Variants in OR51B5 observed in about 807,000 individuals in gnomAD.
The protein encoded by OR51B5 is olfactory receptor 51B5.
For missense variants in OR51B5, 456 were observed against 374.6 expected (o/e 1.22, Z -1.79); for synonymous variants, 186 against 144.8 (o/e 1.28, Z -2.04).
At chr11:5,375,947 T>C (rs931439376) in intron 1 of OR51B5, among the ~76,000 whole-genome samples, 4 of 152,034 alleles carry the variant, frequency 2.6e-5, no homozygotes, top group Non-Finnish European at 1.5e-5. Context: ...AACACAGCTC[T>C]GCACCAAGCA....
At chr11:5,415,185 A>T (rs367850835) in intron 1 of OR51B5, among the ~76,000 whole-genome samples, 10 of 151,946 alleles carry the variant, frequency 6.6e-5, no homozygotes, top group Non-Finnish European at 1.2e-4. Context: ...ACTGGGTACA[A>T]AACGAAATGA....
At chr11:5,354,018 ATGGTAAATAT>A (rs1434040212) in intron 1 of OR51B5, among the ~76,000 whole-genome samples, 1 of 152,054 alleles carries the variant, frequency 6.6e-6, no homozygotes, top group Admixed American at 6.5e-5. Context: ...GTGCTCGAGG[ATGGTAAATAT>A]AACATAGTTC....
chr11:5,441,237 T>C, intron 1 of OR51B5: 1 of 1,613,808 alleles, frequency 6.2e-7, no homozygotes, highest in Non-Finnish European at 8.5e-7. Context: ...AAACGCAACA[T>C]GGTTGTAGTT....
chr11:5,484,365 C>A (rs1851470372), intron 1 of OR51B5, among the ~76,000 whole-genome samples: 1 of 152,134 alleles, frequency 6.6e-6, no homozygotes, highest in African/African-American at 2.4e-5. Flanking sequence ...GTCCACACAT[C>A]CTTAGATAAT....
chr11:5,349,725 C>T (rs4910752), intron 1 of OR51B5, among the ~76,000 whole-genome samples: 37,644 of 151,990 alleles, frequency 0.25, 4,927 homozygotes, highest in African/African-American at 0.3. Context: ...GTCTGAACCT[C>T]TCACTGGCAG....
rs1564911618 is a variant in OR51B5, at chr11:5,342,653, CTATATGT to C, written c.865_871del (p.Thr289ValfsTer?). 6.2e-7 allele frequency: 1 copy of C among 1,613,208 alleles called. No homozygotes were observed. Among genetic ancestry groups the C allele is most frequent in the East Asian group, 2.2e-5 (1 of 44,866 alleles). On this transcript the variant is annotated frameshift_variant, in exon 1 of 1. Transcript: ENST00000300773. LOFTEE classifies it low-confidence loss of function (END_TRUNC). The stretch of plus-strand genomic sequence containing the variant: ...ATTCTGAATCTGCTTGGTCTTGACA[CTATATGT>C]TATAGGATTCATTAGTGGAGGGAAC...
chr11:5,409,571 CAAGAA>C (rs1484545575), intron 1 of OR51B5, among the ~76,000 whole-genome samples: 4 of 151,454 alleles, frequency 2.6e-5, no homozygotes, highest in African/African-American at 4.8e-5. Context: ...AAAGCTCTTC[CAAGAA>C]AAGAAAAACA....
chr11:5,351,399 G>C, intron 1 of OR51B5: 1 of 754,418 alleles, frequency 1.3e-6, no homozygotes, highest in East Asian at 2.7e-5. Context: ...TGAAAGTCAG[G>C]ACTGGTGAAC....
At chr11:5,392,525 T>C (rs937074564) in intron 1 of OR51B5, 47 of 152,230 alleles carry the variant, frequency 3.1e-4, no homozygotes, top group African/African-American at 1.1e-3. Flanking sequence ...GTACAGGTAA[T>C]AACATATTTG....
intron 1 of OR51B5, among the ~76,000 whole-genome samples, chr11:5,465,170 C>T (rs1184080749): frequency 1.5e-5 from 2 of 132,040 alleles, no homozygotes; most frequent in African/African-American, 5.8e-5. Context: ...CCCGCCACTG[C>T]ACTCCAGCCT....
At chr11:5,415,544 A>T (rs1238867327) in intron 1 of OR51B5, among the ~76,000 whole-genome samples, 1 of 152,172 alleles carries the variant, frequency 6.6e-6, no homozygotes, top group African/African-American at 2.4e-5. Flanking sequence ...CTAATAAAGA[A>T]AAAAAGAGAG....
At chr11:5,378,394 G>C (rs1240396857) in intron 1 of OR51B5, among the ~76,000 whole-genome samples, 1 of 152,092 alleles carries the variant, frequency 6.6e-6, no homozygotes, top group Non-Finnish European at 1.5e-5. Context: ...TCAGGACATA[G>C]GCATGGGCAA....
chr11:5,425,956 T>TGCCA (rs1850443738), intron 1 of OR51B5, among the ~76,000 whole-genome samples: 2 of 152,210 alleles, frequency 1.3e-5, no homozygotes, highest in Admixed American at 6.5e-5. Context: ...AATTTGAAGT[T>TGCCA]GCCAAGGTGT....
At chr11:5,416,275 C>G (rs1233628237) in intron 1 of OR51B5, among the ~76,000 whole-genome samples, 3 of 142,504 alleles carry the variant, frequency 2.1e-5, no homozygotes, top group African/African-American at 5.1e-5. Context: ...TGGGACGTAT[C>G]TCAAAATAAT....
At chr11:5,394,006 T>C (rs1190020226) in intron 1 of OR51B5, among the ~76,000 whole-genome samples, 1 of 152,198 alleles carries the variant, frequency 6.6e-6, no homozygotes, top group African/African-American at 2.4e-5. Context: ...GTTATCTATT[T>C]TTCCATTTAG....
chr11:5,480,607 C>T, intron 1 of OR51B5, among the ~76,000 whole-genome samples: 1 of 151,310 alleles, frequency 6.6e-6, no homozygotes, highest in South Asian at 2.1e-4. Flanking sequence ...TGATAGACCG[C>T]TAGCAAGACT....
chr11:5,426,965 G>C (rs536312202), intron 1 of OR51B5, among the ~76,000 whole-genome samples: 2 of 151,396 alleles, frequency 1.3e-5, no homozygotes, highest in Non-Finnish European at 3.0e-5. Context: ...GAGATTACCT[G>C]GGAGACATTA....
chr11:5,371,444 C>T (rs1849446175), intron 1 of OR51B5, among the ~76,000 whole-genome samples: 1 of 151,914 alleles, frequency 6.6e-6, no homozygotes, highest in Non-Finnish European at 1.5e-5. Flanking sequence ...TGACCAGAGG[C>T]AGAGGTACCC....
In OR51B5 at chr11:5,416,915, T is replaced by A. The variant is rs571424332; in HGVS notation, n.85-70005A>T. Among the ~76,000 whole-genome samples, 9 of 151,486 alleles carry A rather than the reference T, an allele frequency of 5.9e-5. No homozygotes were observed. The South Asian group carries it at 1.9e-3, about 32-fold the overall frequency. ...CTAACAATGTCTTTCTTCACAGAAT[T>A]GGAAAAAACTACTTTAAAGTTCATA... On this transcript the variant is annotated intron_variant and non_coding_transcript_variant, in intron 1 of 4. Transcript: ENST00000415970.
Sources: gnomAD v4.1 joint callset for allele counts (sites outside exome capture counted in the v4.1 genomes callset) on GRCh38, gnomAD v4.1.1 for gene constraint, MANE v1.5 for transcripts, NCBI Gene and HGNC (gene_info 2026-07-23, HGNC 2026-07-21) for gene names.